Variants in ALK observed in about 807,000 individuals in gnomAD.
The protein encoded by ALK is ALK receptor tyrosine kinase.
A neutral mutation model predicts 163.1 loss-of-function variants in ALK; 74 were observed. The observed-to-expected ratio is 0.45, with a 90% CI of 0.38 to 0.55. ALK has a LOEUF of 0.55. Among genes scored for constraint, ALK ranks in the 20% least tolerant of loss-of-function variants. The pLI is 0.00. For synonymous variants in ALK, 960 were observed against 843.2 expected, an observed-to-expected ratio of 1.14 and a Z score of -2.40; for missense variants, 2,063 against 2,105.3, an observed-to-expected ratio of 0.98 and a Z score of 0.39.
intron 3 of ALK, among the ~76,000 whole-genome samples, chr2:29,644,398 T>TA (rs1676813430): frequency 6.9e-6 from 1 of 145,396 alleles, no homozygotes; most frequent in African/African-American, 2.8e-5. Context: ...TAAAGTATAT[T>TA]TAAAAAAAAA....
At chr2:29,394,870 G>C (rs1211863922) in intron 4 of ALK, among the ~76,000 whole-genome samples, 1 of 147,260 alleles carries the variant, frequency 6.8e-6, no homozygotes, top group Non-Finnish European at 1.5e-5. Context: ...AATGCAGTAG[G>C]TTTTTTTTTT....
intron 12 of ALK, among the ~76,000 whole-genome samples, chr2:29,249,833 G>T (rs1298878882): frequency 3.3e-5 from 5 of 152,200 alleles, no homozygotes; most frequent in Admixed American, 3.3e-4. Context: ...GGGTGGTCCG[G>T]TGTCTTCCGG....
At chr2:29,649,329 A>G (rs1237775106) in intron 3 of ALK, among the ~76,000 whole-genome samples, 3 of 151,320 alleles carry the variant, frequency 2.0e-5, no homozygotes, top group African/African-American at 7.3e-5. Context: ...CCCTCACCCC[A>G]CCTCACCACC....
rs2148158514 is a variant in ALK, at chr2:29,531,954, G to C, written c.1115C>G (p.Ala372Gly). 1 of 1,614,174 alleles carries C rather than the reference G, an allele frequency of 6.2e-7. No individual in the cohort carries two copies. Among genetic ancestry groups the C allele is most frequent in the Non-Finnish European group, 8.5e-7 (1 of 1,180,020 alleles). Residue 372 changes from alanine to glycine, a missense_variant, in exon 4 of 29, where the codon GCA (alanine) becomes GGA (glycine). Ala to Gly is a moderately conservative substitution (Grantham distance 60). This residue lies in a region of ALK where 987 missense variants were observed against 939.5 expected (regional missense o/e 1.05). Transcript: ENST00000389048. ...IAQLLPHNEA[A>G]REILLMPTPG... is the part of the protein sequence containing the mutation. ...AGTGGGCATCAGGAGGATCTCTCTT[G>C]CAGCCTCGTTGTGGGGCAGCAGCTG... is the stretch of plus-strand genomic sequence containing the variant.
intron 1 of ALK, among the ~76,000 whole-genome samples, chr2:29,786,188 G>GT (rs1308092267): frequency 2.0e-5 from 3 of 151,936 alleles, no homozygotes; most frequent in African/African-American, 7.3e-5. Context: ...GCCTAGGTTA[G>GT]TTTTTTTCTT....
intron 1 of ALK, among the ~76,000 whole-genome samples, chr2:29,805,357 G>A (rs1175885523): frequency 6.6e-6 from 1 of 152,160 alleles, no homozygotes; most frequent in African/African-American, 2.4e-5. Context: ...TTGTTACATA[G>A]TGTGGACATG....
chr2:29,665,276 C>T (rs541543409), intron 3 of ALK, among the ~76,000 whole-genome samples: 1 of 152,164 alleles, frequency 6.6e-6, no homozygotes, highest in South Asian at 2.1e-4. Flanking sequence ...CGTGAACCAC[C>T]ATGCCTGGCC....
At chr2:29,494,031 C>T (rs1030623292) in intron 4 of ALK, among the ~76,000 whole-genome samples, 11 of 152,202 alleles carry the variant, frequency 7.2e-5, no homozygotes, top group Admixed American at 6.5e-4. Flanking sequence ...GCAGGTTGCT[C>T]AGTGTCTGAG....
chr2:29,626,336 T>C (rs1676193382), intron 3 of ALK, among the ~76,000 whole-genome samples: 1 of 152,118 alleles, frequency 6.6e-6, no homozygotes. Context: ...TTCCCCCATA[T>C]TGTTCTCGTG....
intron 11 of ALK, among the ~76,000 whole-genome samples, chr2:29,254,671 C>T (rs941326475): frequency 1.3e-5 from 2 of 152,166 alleles, no homozygotes; most frequent in East Asian, 1.9e-4. Context: ...AGACATACCA[C>T]CTAGACTTTC....
In ALK at chr2:29,464,668, T is replaced by C. The variant is rs149113644; in HGVS notation, c.1154+67247A>G. 2.0e-3 allele frequency among the ~76,000 whole-genome samples: 308 copies of C among 152,236 alleles called. 1 individual carries two copies. Among genetic ancestry groups the C allele is most frequent in the Non-Finnish European group, 3.0e-3 (206 of 68,004 alleles). ...TGGTTCTCAACAGGGGCCCGTTTTT[T>C]ACTAGGGAACATTTGGTAATGTGAG... is the stretch of plus-strand genomic sequence containing the variant. On this transcript the variant is annotated intron_variant, in intron 4 of 28. Transcript: ENST00000389048.
intron 1 of ALK, among the ~76,000 whole-genome samples, chr2:29,840,123 T>C (rs1387918245): frequency 6.6e-6 from 1 of 152,232 alleles, no homozygotes; most frequent in Non-Finnish European, 1.5e-5. Context: ...GACATATATG[T>C]CTCATATATC....
intron 5 of ALK, among the ~76,000 whole-genome samples, chr2:29,377,224 TC>T (rs1305348386): frequency 2.6e-5 from 4 of 152,192 alleles, no homozygotes; most frequent in Non-Finnish European, 5.9e-5. Context: ...ACACCTGTAA[TC>T]CCAGCACTTG....
At chr2:29,209,691 C>A (rs2148154700) in intron 25 of ALK, 95 bp downstream of exon 25, 1 of 877,728 alleles carries the variant, frequency 1.1e-6, no homozygotes, top group Non-Finnish European at 1.9e-6. Context: ...GACAGGGTAC[C>A]AGGAGATGAT....
At chr2:29,600,991 G>A (rs1675366709) in intron 3 of ALK, among the ~76,000 whole-genome samples, 1 of 152,194 alleles carries the variant, frequency 6.6e-6, no homozygotes, top group Non-Finnish European at 1.5e-5. Context: ...ACTACACTGG[G>A]TTAAAGGTTT....
chr2:29,233,370 T>G (rs1174658215), intron 14 of ALK, among the ~76,000 whole-genome samples, 195 bp downstream of exon 14: 2 of 152,186 alleles, frequency 1.3e-5, no homozygotes, highest in Admixed American at 6.5e-5. Flanking sequence ...GATCGTGAAT[T>G]CCTGACCTCA....
intron 1 of ALK, among the ~76,000 whole-genome samples, chr2:29,878,923 G>C (rs79199078): frequency 0.011 from 1,649 of 152,258 alleles, 31 homozygotes; most frequent in East Asian, 0.078. Context: ...AGAGAATCCA[G>C]GGCAAAATGC....
At chr2:29,398,652 G>A (rs923183299) in intron 4 of ALK, among the ~76,000 whole-genome samples, 4 of 152,072 alleles carry the variant, frequency 2.6e-5, no homozygotes, top group Non-Finnish European at 5.9e-5. Context: ...TCAGTTGCTC[G>A]GCATGTTTCT....
At chr2:29,731,710 A>G (rs978370268) in intron 1 of ALK, among the ~76,000 whole-genome samples, 1 of 152,224 alleles carries the variant, frequency 6.6e-6, no homozygotes, top group East Asian at 1.9e-4. Flanking sequence ...ATATCTCCAA[A>G]TGTAAACCAA....
Sources: gnomAD v4.1 joint callset for allele counts (sites outside exome capture counted in the v4.1 genomes callset) on GRCh38, gnomAD v4.1.1 for gene constraint, gnomAD v4.1.1 regional missense constraint, MANE v1.5 for transcripts, NCBI Gene and HGNC (gene_info 2026-07-23, HGNC 2026-07-21) for gene names.